ALK: variants seen among roughly 807,000 people sequenced by gnomAD.
ALK encodes the protein ALK receptor tyrosine kinase.
Under a neutral mutation model 163.1 loss-of-function variants are expected in ALK, and 74 were observed. That is an observed-to-expected ratio of 0.45 (90% CI 0.38 to 0.55). The LOEUF is 0.55. Ranked by LOEUF, ALK falls within the 20% of genes least tolerant of loss-of-function variation. The probability of loss-of-function intolerance (pLI) is 0.00; values close to 1 mark genes in which losing one functional copy is unlikely to be tolerated. For synonymous variants in ALK, 960 were observed against 843.2 expected, an observed-to-expected ratio of 1.14 and a Z score of -2.40; for missense variants, 2,063 against 2,105.3, an observed-to-expected ratio of 0.98 and a Z score of 0.39.
At position 29,672,672 on chromosome 2, in the gene ALK, A is replaced by T. The variant is rs558024658; in HGVS notation, c.952+22178T>A. 1.7e-3 allele frequency among the ~76,000 whole-genome samples: 256 copies of T among 152,272 alleles called. 2 individuals are homozygous for T. Among genetic ancestry groups the T allele is most frequent in the African/African-American group, 5.9e-3 (243 of 41,524 alleles). On this transcript the variant is annotated intron_variant, in intron 3 of 28. Transcript: ENST00000389048. ...GTGTCTTCATAGCAGCATGATTTAT[A>T]GTCCTTTGGGTATATACCCAGTAAT...
At chr2:29,642,553 G>A (rs4665477) in intron 3 of ALK, among the ~76,000 whole-genome samples, 91,885 of 151,944 alleles carry the variant, frequency 0.6, 29,090 homozygotes, top group East Asian at 0.73. Context: ...ATCAGAGGTT[G>A]ACTTCAAATC....
At chr2:29,446,287 G>T (rs1670682354) in intron 4 of ALK, among the ~76,000 whole-genome samples, 1 of 152,010 alleles carries the variant, frequency 6.6e-6, no homozygotes, top group South Asian at 2.1e-4. Flanking sequence ...ATGAGGCCTG[G>T]ATTTGGAATT....
At chr2:29,741,649 C>A (rs1680060721) in intron 1 of ALK, among the ~76,000 whole-genome samples, 1 of 152,168 alleles carries the variant, frequency 6.6e-6, no homozygotes, top group Admixed American at 6.5e-5. Context: ...GTGACATCAC[C>A]TAGTCAATGA....
chr2:29,546,050 G>T (rs1467066453), intron 3 of ALK, among the ~76,000 whole-genome samples: 1 of 152,134 alleles, frequency 6.6e-6, no homozygotes, highest in Non-Finnish European at 1.5e-5. Flanking sequence ...GCGTATATAC[G>T]TGTACATCAA....
intron 4 of ALK, among the ~76,000 whole-genome samples, chr2:29,386,055 G>A (rs919105791): frequency 6.6e-6 from 1 of 152,174 alleles, no homozygotes; most frequent in African/African-American, 2.4e-5. Flanking sequence ...CTAACTTTTG[G>A]TGATGAAGGC....
chr2:29,362,440 G>A (rs1314618910), intron 5 of ALK, among the ~76,000 whole-genome samples: 2 of 152,202 alleles, frequency 1.3e-5, no homozygotes, highest in Non-Finnish European at 2.9e-5. Flanking sequence ...GAGGCAGAGG[G>A]TTAAATGTGT....
At chr2:29,574,341 C>G (rs1238496121) in intron 3 of ALK, among the ~76,000 whole-genome samples, 1 of 152,244 alleles carries the variant, frequency 6.6e-6, no homozygotes, top group African/African-American at 2.4e-5. Context: ...TAAGAAGGCT[C>G]TTTCTAAACC....
chr2:29,284,819 C>A (rs1206324318), intron 9 of ALK, among the ~76,000 whole-genome samples: 1 of 152,204 alleles, frequency 6.6e-6, no homozygotes, highest in African/African-American at 2.4e-5. Context: ...TTCTATATAT[C>A]AATGCCTGGT....
chr2:29,884,150 T>C (rs1275554060), intron 1 of ALK, among the ~76,000 whole-genome samples: 3 of 139,300 alleles, frequency 2.2e-5, no homozygotes, highest in Admixed American at 2.1e-4. Context: ...AGGTCAAGTG[T>C]TGAATCTGTT....
At chr2:29,232,958 C>A (rs4666184) in intron 14 of ALK, among the ~76,000 whole-genome samples, 59,311 of 151,956 alleles carry the variant, frequency 0.39, 12,052 homozygotes, top group East Asian at 0.67. Flanking sequence ...ATGATGTCAG[C>A]AAAGTCCACC....
chr2:29,920,325 GCGGTC>G lies in ALK; in HGVS notation c.330_334del (p.Trp110CysfsTer114). 6.4e-7 allele frequency: 1 copy of G among 1,554,198 alleles called. No homozygotes were observed. The highest frequency in any genetic ancestry group is 8.7e-7 in the Non-Finnish European group (1 of 1,150,458). ...GGCCTCTGCCGGGGCTGGTGAACCG[GCGGTC>G]CAGGAGACCCCCGGCGCCGGCCCCA... On this transcript the variant is annotated frameshift_variant, in exon 1 of 29. Coordinates refer to ENST00000389048, the MANE Select transcript of ALK (RefSeq NM_004304.5). LOFTEE classifies it high-confidence loss of function.
chr2:29,905,990 C>T (rs550471289), intron 1 of ALK, among the ~76,000 whole-genome samples: 1 of 152,282 alleles, frequency 6.6e-6, no homozygotes, highest in Admixed American at 6.5e-5. Flanking sequence ...CTATTGTACC[C>T]CTGCCTGCAG....
chr2:29,333,452 A>G (rs1667513211), intron 5 of ALK, among the ~76,000 whole-genome samples: 1 of 151,702 alleles, frequency 6.6e-6, no homozygotes, highest in Admixed American at 6.6e-5. Context: ...TTTCTTTCCA[A>G]ATTTATTTTT....
At chr2:29,562,976 G>A (rs1313821547) in intron 3 of ALK, among the ~76,000 whole-genome samples, 1 of 152,152 alleles carries the variant, frequency 6.6e-6, no homozygotes, top group African/African-American at 2.4e-5. Flanking sequence ...CTCCTGCATG[G>A]AGAGGCCATT....
intron 23 of ALK, among the ~76,000 whole-genome samples, chr2:29,215,746 T>A (rs1272890299): frequency 6.6e-6 from 1 of 152,168 alleles, no homozygotes; most frequent in Non-Finnish European, 1.5e-5. Context: ...AAATGCAGAA[T>A]ACAGCACCCA....
chr2:29,707,044 C>G (rs1173122167), intron 2 of ALK, among the ~76,000 whole-genome samples: 28 of 144,036 alleles, frequency 1.9e-4, no homozygotes, highest in Admixed American at 1.9e-3. Context: ...GTAAGGAAGT[C>G]TCTAACAGAA....
intron 8 of ALK, among the ~76,000 whole-genome samples, chr2:29,298,236 C>CACTT (rs1158351144): frequency 6.6e-6 from 1 of 152,230 alleles, no homozygotes; most frequent in South Asian, 2.1e-4. Flanking sequence ...TAACCACAGA[C>CACTT]ACTTCACTTA....
At chr2:29,605,032 A>G (rs1261312470) in intron 3 of ALK, among the ~76,000 whole-genome samples, 2 of 152,240 alleles carry the variant, frequency 1.3e-5, no homozygotes, top group African/African-American at 4.8e-5. Context: ...TGTGAAAGCA[A>G]TAATCTACAG....
chr2:29,527,858 C>T (rs1672999329), intron 4 of ALK, among the ~76,000 whole-genome samples: 1 of 151,968 alleles, frequency 6.6e-6, no homozygotes, highest in Admixed American at 6.5e-5. Flanking sequence ...TACATCACAT[C>T]ACCCGCCTGG....
Sources: gnomAD v4.1 joint callset for allele counts (sites outside exome capture counted in the v4.1 genomes callset) on GRCh38, gnomAD v4.1.1 for gene constraint, MANE v1.5 for transcripts, NCBI Gene and HGNC (gene_info 2026-07-23, HGNC 2026-07-21) for gene names.